Variants in GREB1L observed in about 807,000 individuals in gnomAD.
GREB1L encodes the protein GREB1-like protein.
Under a neutral mutation model 200.8 loss-of-function variants are expected in GREB1L, and 17 were observed. The ratio of observed to expected loss-of-function variants is 0.08; its 90% CI spans 0.06 to 0.13. The LOEUF is 0.13. Ranked by LOEUF, GREB1L falls within the 10% of genes least tolerant of loss-of-function variation. The pLI, the probability that GREB1L is intolerant of heterozygous loss-of-function variation, is 1.00. For missense variants in GREB1L, 1,657 were observed against 2,367.7 expected (o/e 0.70, Z 6.23); for synonymous variants, 789 against 893.0 (o/e 0.88, Z 2.08).
At chr18:21,293,121 G>A (rs1340552869) in intron 1 of GREB1L, among the ~76,000 whole-genome samples, 1 of 152,200 alleles carries the variant, frequency 6.6e-6, no homozygotes, top group Non-Finnish European at 1.5e-5. Context: ...CAAGAAAGCA[G>A]TAATCACAAA....
chr18:21,275,794 T>G (rs2038153138), intron 1 of GREB1L, among the ~76,000 whole-genome samples: 1 of 152,248 alleles, frequency 6.6e-6, no homozygotes, highest in African/African-American at 2.4e-5. Context: ...TGTCTTATTT[T>G]GAAAATAAAG....
Position 21,305,010 on chromosome 18 carries a change from C to T in GREB1L, c.-119-61017C>T, listed in dbSNP as rs541388546. ...TTTTTTTTTTTTCCAGACAGAGTGT[C>T]GCTCTGTTGCCAGGCTGGAGTGCAG... On this transcript the variant is annotated intron_variant, in intron 1 of 32. Transcript: ENST00000424526. Among the ~76,000 whole-genome samples, 133 of 151,240 alleles carry T rather than the reference C, an allele frequency of 8.8e-4. 1 individual carries two copies. Among genetic ancestry groups the T allele is most frequent in the Non-Finnish European group, 1.6e-3 (111 of 67,868 alleles).
intron 17 of GREB1L, among the ~76,000 whole-genome samples, chr18:21,480,983 G>A (rs2035892195): frequency 6.6e-6 from 1 of 151,952 alleles, no homozygotes; most frequent in Admixed American, 6.6e-5. Flanking sequence ...TAGCACCACT[G>A]TACTCCAGCA....
chr18:21,427,517 A>G (rs1215403337), intron 7 of GREB1L, among the ~76,000 whole-genome samples: 1 of 152,118 alleles, frequency 6.6e-6, no homozygotes, highest in Non-Finnish European at 1.5e-5. Context: ...AAAAACAAAA[A>G]ACAAAAAAAC....
intron 1 of GREB1L, among the ~76,000 whole-genome samples, chr18:21,286,710 C>T (rs2038363165): frequency 6.6e-6 from 1 of 152,196 alleles, no homozygotes; most frequent in South Asian, 2.1e-4. Flanking sequence ...CTTTGTCACC[C>T]AGGCTGGAGT....
At chr18:21,502,109 G>A (rs963642375) in intron 23 of GREB1L, among the ~76,000 whole-genome samples, 5 of 152,124 alleles carry the variant, frequency 3.3e-5, no homozygotes, top group Admixed American at 6.5e-5. Context: ...AAAATTAGCC[G>A]GGGGTGATGG....
intron 1 of GREB1L, among the ~76,000 whole-genome samples, chr18:21,357,619 T>C (rs1045820240): frequency 7.9e-5 from 12 of 152,210 alleles, no homozygotes; most frequent in African/African-American, 2.7e-4. Context: ...TCAGGTCTTA[T>C]ATTTAAGTCT....
intron 1 of GREB1L, among the ~76,000 whole-genome samples, chr18:21,256,049 G>T (rs2037794271): frequency 6.6e-6 from 1 of 152,022 alleles, no homozygotes; most frequent in African/African-American, 2.4e-5. Flanking sequence ...GAAAATCTTG[G>T]TTATATTTCT....
chr18:21,487,997 T>G (rs1223055065), intron 18 of GREB1L, among the ~76,000 whole-genome samples: 1 of 138,776 alleles, frequency 7.2e-6, no homozygotes, highest in Non-Finnish European at 1.6e-5. Flanking sequence ...AGCGACAGAG[T>G]GAGACTCCAT....
intron 4 of GREB1L, among the ~76,000 whole-genome samples, chr18:21,390,601 A>G (rs2040759055): frequency 6.6e-6 from 1 of 152,174 alleles, no homozygotes; most frequent in African/African-American, 2.4e-5. Flanking sequence ...CAATGGCGCA[A>G]TCTCGGCTCA....
intron 1 of GREB1L, among the ~76,000 whole-genome samples, chr18:21,267,589 C>G (rs1336225446): frequency 6.6e-6 from 1 of 152,112 alleles, no homozygotes; most frequent in African/African-American, 2.4e-5. Context: ...CTTTTGGATT[C>G]CTCAGATCCT....
intron 1 of GREB1L, among the ~76,000 whole-genome samples, chr18:21,291,945 G>A (rs542904421): frequency 1.3e-5 from 2 of 152,348 alleles, no homozygotes; most frequent in East Asian, 1.9e-4. Flanking sequence ...ATGAACTGTA[G>A]AGGATACAGG....
At chr18:21,517,164 G>A (rs957300209) in intron 30 of GREB1L, among the ~76,000 whole-genome samples, 1 of 152,092 alleles carries the variant, frequency 6.6e-6, no homozygotes, top group East Asian at 1.9e-4. Context: ...ATGAGCCACC[G>A]CATCCGGCCA....
intron 23 of GREB1L, among the ~76,000 whole-genome samples, chr18:21,504,823 G>A (rs186187158): frequency 4.6e-5 from 7 of 152,172 alleles, no homozygotes; most frequent in Admixed American, 1.3e-4. Context: ...GCCTGAAGGT[G>A]TGACGCTGTA....
At chr18:21,306,025 C>A (rs937922464) in intron 1 of GREB1L, among the ~76,000 whole-genome samples, 1 of 152,152 alleles carries the variant, frequency 6.6e-6, no homozygotes, top group Non-Finnish European at 1.5e-5. Flanking sequence ...TAATTTTTAT[C>A]CCATTACCTT....
At chr18:21,246,171 AGC>A (rs1337556346) in intron 1 of GREB1L, among the ~76,000 whole-genome samples, 1,539 of 152,242 alleles carry the variant, frequency 0.01, 20 homozygotes, top group African/African-American at 0.036. Flanking sequence ...GTTTAAACCT[AGC>A]TCTAGTACTC....
At chr18:21,283,731 G>A (rs1293015427) in intron 1 of GREB1L, among the ~76,000 whole-genome samples, 1 of 152,160 alleles carries the variant, frequency 6.6e-6, no homozygotes, top group African/African-American at 2.4e-5. Flanking sequence ...GAGTCTGAGA[G>A]TTTTGCTCTT....
intron 16 of GREB1L, 30 bp from the exon 17 acceptor site, chr18:21,477,130 TGAGG>T (rs1373444223): frequency 7.0e-7 from 1 of 1,420,516 alleles, no homozygotes; most frequent in Non-Finnish European, 9.6e-7. Flanking sequence ...CTTGGTTAAA[TGAGG>T]TATTAATATG....
chr18:21,393,235 T>A (rs1174713108), intron 4 of GREB1L, among the ~76,000 whole-genome samples: 1 of 152,190 alleles, frequency 6.6e-6, no homozygotes, highest in Non-Finnish European at 1.5e-5. Context: ...AATGGTGCTC[T>A]CCTCGGGTTT....
Sources: gnomAD v4.1 joint callset for allele counts (sites outside exome capture counted in the v4.1 genomes callset) on GRCh38, gnomAD v4.1.1 for gene constraint, MANE v1.5 for transcripts, NCBI Gene and HGNC (gene_info 2026-07-23, HGNC 2026-07-21) for gene names.